SLC45A4: variants seen among roughly 807,000 people sequenced by gnomAD.
The protein encoded by SLC45A4 is solute carrier family 45 member 4, also known as polyamine-transporter SLC45A4.
SLC45A4 carries 32 observed loss-of-function variants against 63.7 expected under a neutral mutation model. The ratio of observed to expected loss-of-function variants is 0.50; its 90% CI spans 0.38 to 0.67. The LOEUF (loss-of-function observed/expected upper bound fraction) is 0.67. Ranked by LOEUF, SLC45A4 falls within the 30% of genes least tolerant of loss-of-function variation. The pLI, the probability that SLC45A4 is intolerant of heterozygous loss-of-function variation, is 0.00. For missense variants in SLC45A4, 1,027 were observed against 1,157.7 expected (o/e 0.89, Z 1.64); for synonymous variants, 535 against 510.0 (o/e 1.05, Z -0.66).
Position 141,227,430 on chromosome 8 carries a change from A to G in SLC45A4, c.242-5665T>C, listed in dbSNP as rs1827077555. On this transcript the variant is annotated intron_variant, in intron 2 of 8. Coordinates refer to ENST00000517878, the MANE Select transcript of SLC45A4 (RefSeq NM_001286646.2). The surrounding 1 kb of genome is among the most constrained non-coding windows in gnomAD (Gnocchi z 4.4). ...TTCTTTCAATGGACAAAGCTTCCAC[A>G]TCAAGATACGCTTGTGTGCTGGGAC... is the stretch of plus-strand genomic sequence containing the variant. Among the ~76,000 whole-genome samples the G allele has an allele frequency of 6.6e-6, 1 of 152,242 alleles. No individual in the cohort carries two copies. The highest frequency in any genetic ancestry group is 6.5e-5 in the Admixed American group (1 of 15,286).
In SLC45A4 at chr8:141,211,227, G is replaced by A. The variant is rs1288861513; in HGVS notation, c.*345C>T. 2.3e-6 allele frequency: 1 copy of A among 438,804 alleles called. No individual in the cohort carries two copies. The highest frequency in any genetic ancestry group is 2.0e-5 in the African/African-American group (1 of 49,248). The allele number at this position is 438,804 out of a possible 1,614,324, so 27.2% of individuals were successfully genotyped here. A position where few individuals can be genotyped will look rare whatever the true frequency, so the allele number is the denominator to read the frequency against. On this transcript the variant is annotated 3_prime_UTR_variant, in exon 9 of 9. Transcript: ENST00000517878. ...GTTTAGAGACGAATCAAAGTGCAGT[G>A]AAAGTCAACGTTTCCTTCCCCCTGA...
rs1829837146 is a variant in SLC45A4 at position 141,278,970 on chromosome 8, C to G, written c.-400-24341G>C. 6.6e-6 allele frequency among the ~76,000 whole-genome samples: 1 copy of G among 152,240 alleles called. No individual in the cohort carries two copies. The highest frequency in any genetic ancestry group is 2.4e-5 in the African/African-American group (1 of 41,472). ...CAAGGCCAGACAAGCAAAGCCCCAGCCCCCACCTTGGCCCCCAGCCTGTGG... is the reference window on the plus strand; with the variant it reads ...CAAGGCCAGACAAGCAAAGCCCCAGGCCCCACCTTGGCCCCCAGCCTGTGG... On this transcript the variant is annotated intron_variant, in intron 1 of 8. Transcript: ENST00000517878. The surrounding 1 kb of genome is among the most constrained non-coding windows in gnomAD (Gnocchi z 4.1).
chr8:141,268,543 G>A (rs1829377222), intron 1 of SLC45A4, among the ~76,000 whole-genome samples: 2 of 152,144 alleles, frequency 1.3e-5, no homozygotes, highest in Non-Finnish European at 1.5e-5. Flanking sequence ...CTGGGAGTGG[G>A]GGCAGGGGCA....
At position 141,210,475 on chromosome 8, in the gene SLC45A4, G is replaced by A. The variant is rs1420141115; in HGVS notation, c.*1097C>T. 1.3e-5 allele frequency: 2 copies of A among 152,252 alleles called. No homozygotes were observed. The highest frequency in any genetic ancestry group is 3.8e-4 in the East Asian group (2 of 5,196). The allele number at this position is 152,252 out of a possible 1,614,324, so 9.4% of individuals were successfully genotyped here. On this transcript the variant is annotated 3_prime_UTR_variant, in exon 9 of 9. Coordinates refer to ENST00000517878, the MANE Select transcript of SLC45A4 (RefSeq NM_001286646.2). ...GATCCTGGGACACCGTGGCCTGGCA[G>A]ACACACCGTGCGTGAGCAGGTACCC...
rs1408941775 is a variant in SLC45A4 at position 141,218,770 on chromosome 8, C to T, written c.870G>A (p.Glu290=). 4.3e-6 allele frequency: 7 copies of T among 1,613,316 alleles called. No homozygotes were observed. Among genetic ancestry groups the T allele is most frequent in the Non-Finnish European group, 5.9e-6 (7 of 1,179,896 alleles). The part of the protein sequence containing the change: ...VPAFPDEVQS[E]HELALDYPDV... Reference sequence around the variant, plus strand: ...CCGGGTAGTCCAGGGCCAGCTCGTGCTCCGACTGTACCTCGTCTGGGAAGG... The same window carrying T: ...CCGGGTAGTCCAGGGCCAGCTCGTGTTCCGACTGTACCTCGTCTGGGAAGG... The change falls in exon 5 of 9, where the codon GAG becomes GAA. Residue 290 remains glutamate (E), a synonymous_variant. Coordinates refer to ENST00000517878, the MANE Select transcript of SLC45A4 (RefSeq NM_001286646.2).
chr8:141,275,050 G>A (rs1053173816), intron 1 of SLC45A4, among the ~76,000 whole-genome samples: 10 of 152,216 alleles, frequency 6.6e-5, no homozygotes, highest in South Asian at 2.1e-4. Context: ...GCGTGGCGCC[G>A]GCAGGAGCCA....
At chr8:141,213,881 T>C (rs1825980259) in intron 7 of SLC45A4, among the ~76,000 whole-genome samples, 1 of 152,244 alleles carries the variant, frequency 6.6e-6, no homozygotes, top group East Asian at 1.9e-4. Context: ...GCAGATGAAA[T>C]GGACACATTC....
rs1828658071 is a variant in SLC45A4 at position 141,254,132 on chromosome 8, G to C, written c.98C>G (p.Ala33Gly). The change falls in exon 2 of 9, where the codon GCC (alanine) becomes GGC (glycine). Residue 33 changes from alanine to glycine, a missense_variant. By Grantham distance (60) the Ala-to-Gly change is moderately conservative (BLOSUM62 0). Coordinates refer to ENST00000517878, the MANE Select transcript of SLC45A4 (RefSeq NM_001286646.2). The surrounding 1 kb of genome is among the most constrained non-coding windows in gnomAD (Gnocchi z 4.5). ...CTCGCTGATGGTCTCGCAGTTCTCGGCCTCTGCGCCTCCGGCTTTCTGCGG... is the reference window on the plus strand; with the variant it reads ...CTCGCTGATGGTCTCGCAGTTCTCGCCCTCTGCGCCTCCGGCTTTCTGCGG... ...PDPQKAGGAE[A>G]ENCETISEGS... The C allele has an allele frequency of 6.5e-7, 1 of 1,536,170 alleles. No individual in the cohort carries two copies. Among genetic ancestry groups the C allele is most frequent in the Non-Finnish European group, 8.7e-7 (1 of 1,146,914 alleles).
At chr8:141,273,158 A>G (rs966772861) in intron 1 of SLC45A4, among the ~76,000 whole-genome samples, 1 of 152,238 alleles carries the variant, frequency 6.6e-6, no homozygotes, top group Admixed American at 6.5e-5. Context: ...TTCTGTTAGA[A>G]CATACAAAGT....
At chr8:141,276,722 C>CT (rs1206620508) in intron 1 of SLC45A4, among the ~76,000 whole-genome samples, 2 of 152,194 alleles carry the variant, frequency 1.3e-5, no homozygotes, top group African/African-American at 4.8e-5. Flanking sequence ...GTCGACTGCC[C>CT]TTTTCCCTTC....
At chr8:141,290,012 G>A (rs1341935860) in intron 1 of SLC45A4, among the ~76,000 whole-genome samples, 1 of 151,890 alleles carries the variant, frequency 6.6e-6, no homozygotes, top group Non-Finnish European at 1.5e-5. Context: ...CCCAGACATC[G>A]CCCTACAAAG....
At position 141,229,273 on chromosome 8, in the gene SLC45A4, C is replaced by T. The variant is rs954650206; in HGVS notation, c.242-7508G>A. Among the ~76,000 whole-genome samples, 4 of 152,060 alleles carry T rather than the reference C, an allele frequency of 2.6e-5. No individual in the cohort carries two copies. Among genetic ancestry groups the T allele is most frequent in the South Asian group, 2.1e-4 (1 of 4,828 alleles). Reference sequence around the variant, plus strand: ...CCTAAAACCCACTGCTTGCACCTGCCGTGGCGTCCAGGGCCCTCAAAGTCC... The same window carrying T: ...CCTAAAACCCACTGCTTGCACCTGCTGTGGCGTCCAGGGCCCTCAAAGTCC... On this transcript the variant is annotated intron_variant, in intron 2 of 8. Coordinates refer to ENST00000517878, the MANE Select transcript of SLC45A4 (RefSeq NM_001286646.2). The surrounding 1 kb of genome is among the most constrained non-coding windows in gnomAD (Gnocchi z 5.0).
chr8:141,277,393 A>T (rs1829769110), intron 1 of SLC45A4, among the ~76,000 whole-genome samples: 1 of 152,258 alleles, frequency 6.6e-6, no homozygotes, highest in Non-Finnish European at 1.5e-5. Flanking sequence ...GCTGACACAC[A>T]ACAGTGTTTA....
At chr8:141,300,061 G>T (rs184746204) in intron 1 of SLC45A4, among the ~76,000 whole-genome samples, 88 of 152,286 alleles carry the variant, frequency 5.8e-4, no homozygotes, top group Admixed American at 1.6e-3. Context: ...CTGGCCCCAT[G>T]ATCTGACGAC....
chr8:141,219,959 AAGAG>A, intron 3 of SLC45A4, 130 bp from the exon 4 acceptor site: 2 of 863,762 alleles, frequency 2.3e-6, no homozygotes, highest in South Asian at 3.7e-5. Flanking sequence ...CTTCCAGCAC[AAGAG>A]AGAGGCTCTT....
Position 141,247,751 on chromosome 8 carries a change from G to A in SLC45A4, c.241+6238C>T, listed in dbSNP as rs113095087. Among the ~76,000 whole-genome samples, 369 of 152,232 alleles carry A rather than the reference G, an allele frequency of 2.4e-3. 2 individuals are homozygous for A. The highest frequency in any genetic ancestry group is 7.8e-3 in the African/African-American group (326 of 41,532). Reference sequence around the variant, plus strand: ...AAAGGTAGGCATATTTCCTAATTTCGAGATGCCCCATAAAACTACAGAAAT... The same window carrying A: ...AAAGGTAGGCATATTTCCTAATTTCAAGATGCCCCATAAAACTACAGAAAT... On this transcript the variant is annotated intron_variant, in intron 2 of 8. Transcript: ENST00000517878.
chr8:141,237,571 C>T (rs1253105641), intron 2 of SLC45A4, among the ~76,000 whole-genome samples: 1 of 152,140 alleles, frequency 6.6e-6, no homozygotes, highest in Admixed American at 6.5e-5. Flanking sequence ...TTTTAACCGT[C>T]CTTCCTAATC....
intron 3 of SLC45A4, among the ~76,000 whole-genome samples, chr8:141,220,847 G>C (rs951759218): frequency 6.6e-6 from 1 of 152,250 alleles, no homozygotes; most frequent in Admixed American, 6.5e-5. Flanking sequence ...GGCTGCTCTC[G>C]AGGGACACGG....
At chr8:141,234,539 G>A (rs1827525177) in intron 2 of SLC45A4, among the ~76,000 whole-genome samples, 1 of 152,204 alleles carries the variant, frequency 6.6e-6, no homozygotes, top group South Asian at 2.1e-4. Flanking sequence ...AGGTGGCCTG[G>A]CTTCCCCAAC....
Sources: allele counts gnomAD v4.1 joint callset (sites outside exome capture counted in the v4.1 genomes callset), GRCh38; gene constraint gnomAD v4.1.1; non-coding constraint Gnocchi (gnomAD v3.1); transcripts MANE v1.5; gene names NCBI Gene and HGNC (gene_info 2026-07-23, HGNC 2026-07-21).